The following SHISA9 variants were observed in gnomAD, a reference collection of about 807,000 sequenced individuals.
The protein encoded by SHISA9 is shisa family member 9, also known as protein shisa-9.
Under a neutral mutation model 38.0 loss-of-function variants are expected in SHISA9, and 13 were observed. That is an observed-to-expected ratio of 0.34 (90% CI 0.22 to 0.54). SHISA9 has a LOEUF of 0.54. SHISA9 is among the 20% of genes least tolerant of loss of function. The pLI is 0.91. For missense variants in SHISA9, 538 were observed against 575.8 expected, an observed-to-expected ratio of 0.93 and a Z score of 0.67; for synonymous variants, 275 against 242.0, an observed-to-expected ratio of 1.14 and a Z score of -1.27.
chr16:13,257,826 C>T, the SHISA9 span, among the ~76,000 whole-genome samples: 1 of 152,060 alleles, frequency 6.6e-6, no homozygotes, highest in Non-Finnish European at 1.5e-5. Context: ...GAAATCTGCT[C>T]ATTATGTGCT....
the SHISA9 span, among the ~76,000 whole-genome samples, chr16:13,287,821 T>C: frequency 6.6e-6 from 1 of 152,098 alleles, no homozygotes; most frequent in South Asian, 2.1e-4. Context: ...TTGGCAAAAA[T>C]GAAGATAAAT....
chr16:13,541,811 C>T, the SHISA9 span, among the ~76,000 whole-genome samples: 1 of 152,060 alleles, frequency 6.6e-6, no homozygotes, highest in South Asian at 2.1e-4. Flanking sequence ...ATCAGTCACT[C>T]AAAGAGGATA....
the SHISA9 span, among the ~76,000 whole-genome samples, chr16:13,257,778 AGG>A: frequency 6.6e-6 from 1 of 152,140 alleles, no homozygotes; most frequent in African/African-American, 2.4e-5. Flanking sequence ...TTAATATTTT[AGG>A]CTCCCTTCTG....
intron 2 of SHISA9, among the ~76,000 whole-genome samples, chr16:12,933,171 A>G (rs1224811860): frequency 6.6e-6 from 1 of 152,220 alleles, no homozygotes; most frequent in East Asian, 1.9e-4. Flanking sequence ...GAAACATATA[A>G]TAAACTTTTA....
chr16:13,034,203 G>C (rs560777418), intron 2 of SHISA9, among the ~76,000 whole-genome samples: 2 of 151,988 alleles, frequency 1.3e-5, no homozygotes, highest in African/African-American at 4.8e-5. Context: ...ATCCCAAGTA[G>C]AGAAGTAGTC....
At chr16:13,467,219 C>T in the SHISA9 span, among the ~76,000 whole-genome samples, 1 of 152,042 alleles carries the variant, frequency 6.6e-6, no homozygotes, top group Non-Finnish European at 1.5e-5. Flanking sequence ...GAGAGGAAGA[C>T]TCGCCTTCTA....
chr16:13,194,186 G>A (rs1057101102), intron 2 of SHISA9, among the ~76,000 whole-genome samples: 1 of 150,620 alleles, frequency 6.6e-6, no homozygotes, highest in Non-Finnish European at 1.5e-5. Flanking sequence ...AACCAAGTGC[G>A]GTCCTTAATA....
intron 2 of SHISA9, among the ~76,000 whole-genome samples, chr16:13,138,991 G>A (rs2050373994): frequency 6.6e-6 from 1 of 152,140 alleles, no homozygotes; most frequent in Admixed American, 6.5e-5. Flanking sequence ...GGAGGAAGAT[G>A]TAGCTGATGC....
the SHISA9 span, among the ~76,000 whole-genome samples, chr16:13,505,823 G>T: frequency 6.6e-6 from 1 of 152,212 alleles, no homozygotes; most frequent in East Asian, 1.9e-4. Flanking sequence ...GGTCTGGGTT[G>T]GTTGCAGAAA....
intron 2 of SHISA9, among the ~76,000 whole-genome samples, chr16:13,122,251 C>A (rs2050218363): frequency 6.6e-6 from 1 of 152,206 alleles, no homozygotes; most frequent in African/African-American, 2.4e-5. Flanking sequence ...CTGCCGAATT[C>A]TTTTGCTGCT....
the SHISA9 span, among the ~76,000 whole-genome samples, chr16:13,311,112 T>TA: frequency 1.3e-5 from 2 of 152,244 alleles, no homozygotes; most frequent in African/African-American, 4.8e-5. Context: ...GCCTAGAAGA[T>TA]ACTCTGTCTC....
chr16:13,326,941 T>A, the SHISA9 span, among the ~76,000 whole-genome samples: 1 of 152,192 alleles, frequency 6.6e-6, no homozygotes, highest in South Asian at 2.1e-4. Flanking sequence ...TTTCAGAATG[T>A]CTTTGCAATC....
chr16:13,259,380 T>A, the SHISA9 span, among the ~76,000 whole-genome samples: 1 of 152,176 alleles, frequency 6.6e-6, no homozygotes, highest in African/African-American at 2.4e-5. Flanking sequence ...CTGTGGCTTT[T>A]TGAGGCACAT....
chr16:12,917,268 A>G (rs1267420540), intron 2 of SHISA9, among the ~76,000 whole-genome samples: 1 of 152,250 alleles, frequency 6.6e-6, no homozygotes, highest in Non-Finnish European at 1.5e-5. Flanking sequence ...GTTTTCAATT[A>G]TGAAATACTA....
At chr16:13,368,408 T>C in the SHISA9 span, among the ~76,000 whole-genome samples, 201 of 152,118 alleles carry the variant, frequency 1.3e-3, 3 homozygotes, top group East Asian at 0.027. Flanking sequence ...AAAAACATGC[T>C]AATTAAGAGA....
chr16:12,992,061 A>G (rs1567174903), intron 2 of SHISA9, among the ~76,000 whole-genome samples: 1 of 152,232 alleles, frequency 6.6e-6, no homozygotes, highest in Non-Finnish European at 1.5e-5. Flanking sequence ...ATTTAAAAAT[A>G]TGAAATAAGT....
At chr16:13,000,583 C>T (rs1327159921) in intron 2 of SHISA9, among the ~76,000 whole-genome samples, 4 of 152,084 alleles carry the variant, frequency 2.6e-5, no homozygotes, top group South Asian at 2.1e-4. Context: ...GCCCCAAGGA[C>T]GATTGCAGGT....
At chr16:13,523,551 T>G in the SHISA9 span, among the ~76,000 whole-genome samples, 1 of 152,066 alleles carries the variant, frequency 6.6e-6, no homozygotes, top group Non-Finnish European at 1.5e-5. Flanking sequence ...CTCAGGAAAC[T>G]TACAAACGTT....
chr16:13,464,620 A>G, the SHISA9 span, among the ~76,000 whole-genome samples: 1 of 152,098 alleles, frequency 6.6e-6, no homozygotes, highest in Non-Finnish European at 1.5e-5. Context: ...AAAACCACTG[A>G]TTTGCTTTCC....
Sources: gnomAD v4.1 joint callset for allele counts (sites outside exome capture counted in the v4.1 genomes callset) on GRCh38, gnomAD v4.1.1 for gene constraint, MANE v1.5 for transcripts, NCBI Gene and HGNC (gene_info 2026-07-23, HGNC 2026-07-21) for gene names.